COL6A1: variants seen among roughly 807,000 people sequenced by gnomAD.
COL6A1 encodes collagen alpha-1(VI) chain.
In COL6A1, 80 loss-of-function variants were observed where a neutral mutation model predicts 145.6. That is an observed-to-expected ratio of 0.55 (90% CI 0.46 to 0.66). COL6A1 has a LOEUF of 0.66. Among genes scored for constraint, COL6A1 ranks in the 30% least tolerant of loss-of-function variants. COL6A1 has a pLI of 0.00. For synonymous variants in COL6A1, 638 were observed against 622.8 expected, an observed-to-expected ratio of 1.02 and a Z score of -0.36; for missense variants, 1,364 against 1,473.8, an observed-to-expected ratio of 0.93 and a Z score of 1.22.
Position 45,986,696 on chromosome 21 carries a change from G to GC in COL6A1, c.588+19dup, listed in dbSNP as rs111710378. 46,305 of 1,544,256 alleles carry GC rather than the reference G, an allele frequency of 0.03. 3,907 individuals carry two copies. Among genetic ancestry groups the GC allele is most frequent in the African/African-American group, 0.26 (18,843 of 72,700 alleles). On this transcript the variant is annotated intron_variant, in intron 4 of 34. Transcript: ENST00000361866. ...ACACCCGACCACCTGGTAGGCACCG[G>GC]CCCCCCCCGGCAGATGCCCCCAACC...
chr21:45,998,223 G>A lies in COL6A1; in HGVS notation c.1575+52G>A, dbSNP rs190002447. On this transcript the variant is annotated intron_variant, in intron 23 of 34. Transcript: ENST00000361866. ...GGAACATGCCCAAGCTGCCTGCGGCGCCCTCTTTAGTGGACTGGGCACTCT... is the reference window on the plus strand; with the variant it reads ...GGAACATGCCCAAGCTGCCTGCGGCACCCTCTTTAGTGGACTGGGCACTCT... 2.1e-5 allele frequency: 34 copies of A among 1,598,516 alleles called. No individual in the cohort carries two copies. In the South Asian group the frequency reaches 3.3e-4, roughly 15 times the overall value.
At chr21:45,996,939 TAAGGGGACCAGGCCAGGCCCA>T (rs1346403553) in intron 20 of COL6A1, among the ~76,000 whole-genome samples, 1 of 151,958 alleles carries the variant, frequency 6.6e-6, no homozygotes, top group Admixed American at 6.6e-5. Flanking sequence ...GGGGGTGGGC[TAAGGGGACCAGGCCAGGCCCA>T]AAGGGGACCA....
Position 46,003,855 on chromosome 21 carries a change from C to T in COL6A1, c.2929C>T (p.Gln977Ter). 1 of 1,600,758 alleles carries T rather than the reference C, an allele frequency of 6.2e-7. No homozygotes were observed. Among genetic ancestry groups the T allele is most frequent in the East Asian group, 2.2e-5 (1 of 44,570 alleles). ...GATCTTCGTGGTGGTCGTGGGCCGC[C>T]AGGTGAATGAGCCCCACATCCGCGT... ...IEIFVVVVGR[Q>*]VNEPHIRVLV... Residue 977 changes from glutamine to a stop codon, truncating the protein, a stop_gained, in exon 35 of 35, where the codon CAG (glutamine) becomes TAG (stop). Coordinates refer to ENST00000361866, the MANE Select transcript of COL6A1 (RefSeq NM_001848.3). LOFTEE classifies it high-confidence loss of function.
intron 11 of COL6A1, 87 bp from the exon 12 acceptor site, chr21:45,990,171 A>G: frequency 1.3e-6 from 2 of 1,526,132 alleles, no homozygotes; most frequent in South Asian, 1.1e-5. Context: ...GGGGCACCCA[A>G]GCCCCTGCCT....
In COL6A1 at chr21:46,003,106, T is replaced by C; in HGVS notation, c.2435-14T>C. On this transcript the variant is annotated splice_polypyrimidine_tract_variant and intron_variant, in intron 33 of 34. Coordinates refer to ENST00000361866, the MANE Select transcript of COL6A1 (RefSeq NM_001848.3). ...AGCAGTGGGCTCACACTGCACGGCT[T>C]TTCTCTTTTACAGACAAGAAGTGTC... 3 of 1,614,072 alleles carry C rather than the reference T, an allele frequency of 1.9e-6. No individual in the cohort carries two copies. Among genetic ancestry groups the C allele is most frequent in the Non-Finnish European group, 2.5e-6 (3 of 1,179,952 alleles).
rs761907504 is a variant in COL6A1, at chr21:45,989,732, T to C, written c.904-20T>C. The C allele has an allele frequency of 5.6e-6, 9 of 1,612,938 alleles. No individual in the cohort carries two copies. In the East Asian group the frequency reaches 2.0e-4, roughly 36 times the overall value. ...GCACTAACAAGCCTTCCTCTTCCTC[T>C]TCTTCCGCTGGGTGTGTAGGGAGAA... On this transcript the variant is annotated intron_variant, in intron 10 of 34. Coordinates refer to ENST00000361866, the MANE Select transcript of COL6A1 (RefSeq NM_001848.3).
chr21:45,990,414 G>A lies in COL6A1; in HGVS notation c.994G>A (p.Gly332Ser), dbSNP rs11701912. 1.2e-5 allele frequency: 19 copies of A among 1,598,366 alleles called. No homozygotes were observed. The highest frequency in any genetic ancestry group is 1.1e-4 in the East Asian group (5 of 44,410). ...KGKRGIDGVD[G>S]VKGEMGYPGL... is the part of the protein sequence containing the mutation. ...CAAGCGTGGCATCGACGGGGTGGACGGCGTGAAGGTGACTGGGGGGAGATA... is the reference window on the plus strand; with the variant it reads ...CAAGCGTGGCATCGACGGGGTGGACAGCGTGAAGGTGACTGGGGGGAGATA... Residue 332 changes from glycine (G) to serine (S), a missense_variant, in exon 13 of 35, where the codon GGC becomes AGC. Transcript: ENST00000361866.
At position 45,998,440 on chromosome 21, in the gene COL6A1, A is replaced by C; in HGVS notation, c.1611+7A>C. 1 of 1,613,238 alleles carries C rather than the reference A, an allele frequency of 6.2e-7. No individual in the cohort carries two copies. Among genetic ancestry groups the C allele is most frequent in the Non-Finnish European group, 8.5e-7 (1 of 1,179,978 alleles). On this transcript the variant is annotated splice_region_variant and intron_variant, in intron 24 of 34. Transcript: ENST00000361866. ...GGGCGCTCCCGGGATAAACGTGAGTACGCCCCCTCCTCCATCTGGCTGTGG... is the reference window on the plus strand; with the variant it reads ...GGGCGCTCCCGGGATAAACGTGAGTCCGCCCCCTCCTCCATCTGGCTGTGG...
At chr21:46,001,707 A>T (rs1046813823) in intron 30 of COL6A1, among the ~76,000 whole-genome samples, 4 of 152,038 alleles carry the variant, frequency 2.6e-5, no homozygotes, top group African/African-American at 9.7e-5. Context: ...CCACCAAGGA[A>T]GATTGCTTTG....
intron 1 of COL6A1, 146 bp downstream of exon 1, chr21:45,982,093 C>A: frequency 1.4e-6 from 1 of 722,358 alleles, no homozygotes; most frequent in Admixed American, 2.3e-5. Context: ...GGGGCGGCTG[C>A]AGCGCCCAGC....
At chr21:46,001,530 G>A (rs774905831) in intron 30 of COL6A1, 144 bp downstream of exon 30, 53 of 1,147,084 alleles carry the variant, frequency 4.6e-5, no homozygotes, top group Middle Eastern at 2.5e-4. Flanking sequence ...TGCCAGGCAC[G>A]CGCCAGCCCG....
At chr21:45,998,192 C>T (rs749249798) in intron 23 of COL6A1, 21 bp downstream of exon 23, 2 of 1,610,526 alleles carry the variant, frequency 1.2e-6, no homozygotes, top group Non-Finnish European at 1.7e-6. Context: ...GGAGGCTGAG[C>T]CCACAGGAAC....
rs544927344 is a variant in COL6A1 at position 46,003,564 on chromosome 21, G to T, written c.2638G>T (p.Gly880Cys). 2 of 1,612,474 alleles carry T rather than the reference G, an allele frequency of 1.2e-6. No individual in the cohort carries two copies. Among genetic ancestry groups the T allele is most frequent in the Non-Finnish European group, 8.5e-7 (1 of 1,179,766 alleles). Residue 880 changes from glycine (G) to cysteine (C), a missense_variant, in exon 35 of 35, where the codon GGC (glycine) becomes TGC (cysteine). Transcript: ENST00000361866. ...DVRVAVVQYS[G>C]TGQQRPERAS... ...GCGGGTGGCGGTGGTGCAGTACAGC[G>T]GCACGGGCCAGCAGCGCCCAGAGCG...
In COL6A1 at chr21:45,998,169, C is replaced by T; in HGVS notation, c.1573C>T (p.Pro525Ser). Reference sequence around the variant, plus strand: ...TGGCACCGAGGGCTTCCCCGGCTTCCCCGTAAGTGTCCGGAGGCTGAGCCC... The same window carrying T: ...TGGCACCGAGGGCTTCCCCGGCTTCTCCGTAAGTGTCCGGAGGCTGAGCCC... ...GNGTEGFPGF[P>S]GYPGNRGAPG... Residue 525 changes from proline (P) to serine (S), a missense_variant and splice_region_variant, in exon 23 of 35, where the codon CCC becomes TCC. Physicochemically the swap from Pro to Ser is moderately conservative, Grantham distance 74. This residue lies in a region of COL6A1 where 938 missense variants were observed against 1,003.8 expected (regional missense o/e 0.93). Coordinates refer to ENST00000361866, the MANE Select transcript of COL6A1 (RefSeq NM_001848.3). 6.2e-7 allele frequency: 1 copy of T among 1,612,136 alleles called. No homozygotes were observed.
Position 46,004,086 on chromosome 21 carries a change from G to A in COL6A1, c.*73G>A. The A allele has an allele frequency of 1.3e-6, 2 of 1,569,876 alleles. No homozygotes were observed. Among genetic ancestry groups the A allele is most frequent in the South Asian group, 1.1e-5 (1 of 87,586 alleles). On this transcript the variant is annotated 3_prime_UTR_variant, in exon 35 of 35. Transcript: ENST00000361866. ...CTCATCACTAAACAGAGTAAAATGT[G>A]ATGCGAATTTTCCCGACCAACCTGA...
chr21:46,002,833 GCA>G (rs2077856316), intron 33 of COL6A1, 123 bp downstream of exon 33: 2 of 1,257,776 alleles, frequency 1.6e-6, no homozygotes, highest in Non-Finnish European at 2.2e-6. Context: ...CTGCGTAGGT[GCA>G]CGCGGGGCCG....
In COL6A1 at chr21:45,994,224, G is replaced by A; in HGVS notation, c.1393G>A (p.Asp465Asn). 6.2e-7 allele frequency: 1 copy of A among 1,609,530 alleles called. No individual in the cohort carries two copies. The highest frequency in any genetic ancestry group is 1.7e-5 in the Admixed American group (1 of 59,304). Reference sequence around the variant, plus strand: ...AGAAGGCCCCGTTGGTGTCCCTGGAGACCCGGTAGGAAGCGCTGTGGGGTT... The same window carrying A: ...AGAAGGCCCCGTTGGTGTCCCTGGAAACCCGGTAGGAAGCGCTGTGGGGTT... ...GREGPVGVPGDPGEAGPIGPK... is the reference protein window; with the variant it reads ...GREGPVGVPGNPGEAGPIGPK... Residue 465 changes from aspartate (D) to asparagine (N), a missense_variant, in exon 20 of 35, where the codon GAC becomes AAC. Physicochemically the swap from Asp to Asn is conservative, Grantham distance 23 (BLOSUM62 1). This residue lies in a region of COL6A1 where 938 missense variants were observed against 1,003.8 expected (regional missense o/e 0.93). Coordinates refer to ENST00000361866, the MANE Select transcript of COL6A1 (RefSeq NM_001848.3). This position sits in a 1 kb window ranked among gnomAD's most constrained non-coding sequence, Gnocchi z 6.8.
At chr21:45,991,084 T>G in intron 15 of COL6A1, 43 bp downstream of exon 15, 1 of 1,603,306 alleles carries the variant, frequency 6.2e-7, no homozygotes, top group Non-Finnish European at 8.5e-7. Context: ...CCTTCACGGT[T>G]GGCCAAGCGC....
rs1569518993 is a variant in COL6A1, at chr21:46,000,754, C to T, written c.1814-5C>T. On this transcript the variant is annotated splice_region_variant and splice_polypyrimidine_tract_variant and intron_variant, in intron 28 of 34. Coordinates refer to ENST00000361866, the MANE Select transcript of COL6A1 (RefSeq NM_001848.3). ...GGTCTAACTGACTCTTTCTCTTCTC[C>T]TCAGCTTGCTGTGGTGAGACCCAGG... is the stretch of plus-strand genomic sequence containing the variant. 3 of 1,613,966 alleles carry T rather than the reference C, an allele frequency of 1.9e-6. No individual in the cohort carries two copies. Among genetic ancestry groups the T allele is most frequent in the Non-Finnish European group, 2.5e-6 (3 of 1,179,906 alleles).
Sources: allele counts gnomAD v4.1 joint callset (sites outside exome capture counted in the v4.1 genomes callset), GRCh38; gene constraint gnomAD v4.1.1; regional missense constraint gnomAD v4.1.1; non-coding constraint Gnocchi (gnomAD v3.1); transcripts MANE v1.5; gene names NCBI Gene and HGNC (gene_info 2026-07-23, HGNC 2026-07-21).